The following MAGI1 variants were observed in gnomAD, a reference collection of about 807,000 sequenced individuals.
The protein encoded by MAGI1 is membrane associated guanylate kinase, WW and PDZ domain containing 1.
Under a neutral mutation model 139.9 loss-of-function variants are expected in MAGI1, and 58 were observed. That is an observed-to-expected ratio of 0.41 (90% CI 0.34 to 0.52). MAGI1 has a LOEUF of 0.52. Among genes scored for constraint, MAGI1 ranks in the 20% least tolerant of loss-of-function variants. The probability of loss-of-function intolerance (pLI) is 0.12; values close to 1 mark genes in which losing one functional copy is unlikely to be tolerated. For synonymous variants in MAGI1, 812 were observed against 737.9 expected (o/e 1.10, Z -1.63); for missense variants, 1,874 against 1,901.6 (o/e 0.99, Z 0.27).
intron 1 of MAGI1, among the ~76,000 whole-genome samples, chr3:65,675,658 TAC>T (rs2087143089): frequency 6.6e-6 from 1 of 152,324 alleles, no homozygotes; most frequent in South Asian, 2.1e-4. Context: ...GGTGGCTCAT[TAC>T]AGTGTCACAG....
At chr3:65,451,863 G>A (rs1949050825) in intron 6 of MAGI1, among the ~76,000 whole-genome samples, 1 of 152,094 alleles carries the variant, frequency 6.6e-6, no homozygotes, top group Non-Finnish European at 1.5e-5. Flanking sequence ...GCCCAGGCTG[G>A]TCTTGAACTC....
chr3:65,467,884 T>C (rs543680781), intron 5 of MAGI1, among the ~76,000 whole-genome samples: 1 of 152,348 alleles, frequency 6.6e-6, no homozygotes, highest in South Asian at 2.1e-4. Flanking sequence ...ATCCTGAGTT[T>C]ATGGTTGGTA....
intron 2 of MAGI1, among the ~76,000 whole-genome samples, chr3:65,576,471 C>A (rs1047465830): frequency 6.6e-6 from 1 of 152,198 alleles, no homozygotes; most frequent in African/African-American, 2.4e-5. Flanking sequence ...GGAGCTAATA[C>A]AAATGGTGAA....
chr3:65,440,856 CAT>C (rs1265869231), intron 8 of MAGI1, among the ~76,000 whole-genome samples: 3 of 137,558 alleles, frequency 2.2e-5, no homozygotes, highest in Non-Finnish European at 3.2e-5. Flanking sequence ...CATATGTATA[CAT>C]ATATATGTAT....
At chr3:65,973,586 C>T (rs1005163089) in intron 1 of MAGI1, among the ~76,000 whole-genome samples, 5 of 152,192 alleles carry the variant, frequency 3.3e-5, no homozygotes, top group African/African-American at 1.2e-4. Flanking sequence ...AACATATGCA[C>T]AACAGAGCAG....
At chr3:65,586,616 AAAAATACTAAATACAC>A (rs745867438) in intron 2 of MAGI1, among the ~76,000 whole-genome samples, 7 of 152,230 alleles carry the variant, frequency 4.6e-5, no homozygotes, top group African/African-American at 7.2e-5. Context: ...AAAGATACAC[AAAAATACTAAATACAC>A]AAAATACTAA....
intron 13 of MAGI1, among the ~76,000 whole-genome samples, chr3:65,400,166 T>C (rs1394001825): frequency 6.6e-6 from 1 of 152,124 alleles, no homozygotes; most frequent in Non-Finnish European, 1.5e-5. Context: ...ATCTTTGTGG[T>C]TCCAATGTGG....
At chr3:65,980,956 C>T (rs1182905396) in intron 1 of MAGI1, among the ~76,000 whole-genome samples, 2 of 151,930 alleles carry the variant, frequency 1.3e-5, no homozygotes, top group Non-Finnish European at 2.9e-5. Context: ...GTCAGGAGTT[C>T]GAGACCAGCC....
At chr3:65,868,417 T>A (rs2059803903) in intron 1 of MAGI1, among the ~76,000 whole-genome samples, 1 of 152,120 alleles carries the variant, frequency 6.6e-6, no homozygotes, top group Admixed American at 6.5e-5. Context: ...TGTTGACGGG[T>A]AGAGCGCAGA....
intron 2 of MAGI1, among the ~76,000 whole-genome samples, chr3:65,553,723 G>A (rs539896182): frequency 9.2e-5 from 14 of 152,200 alleles, no homozygotes; most frequent in South Asian, 4.1e-4. Context: ...CTTTCTATTT[G>A]TTTTTTAATG....
chr3:65,659,054 A>G (rs1559761709), intron 1 of MAGI1, among the ~76,000 whole-genome samples: 1 of 152,062 alleles, frequency 6.6e-6, no homozygotes, highest in Non-Finnish European at 1.5e-5. Context: ...TTTTATTCCT[A>G]TTTTATAGAA....
At chr3:65,372,600 T>C (rs1006572999) in intron 18 of MAGI1, among the ~76,000 whole-genome samples, 4 of 151,380 alleles carry the variant, frequency 2.6e-5, no homozygotes, top group African/African-American at 4.9e-5. Context: ...GTCTCCTCTC[T>C]AGCTAGGAAA....
At chr3:65,835,400 G>A (rs1448991593) in intron 1 of MAGI1, among the ~76,000 whole-genome samples, 1 of 152,118 alleles carries the variant, frequency 6.6e-6, no homozygotes, top group East Asian at 1.9e-4. Context: ...AGTGTTAAAG[G>A]GGCCACTTAA....
chr3:65,796,122 C>A (rs1034609688), intron 1 of MAGI1, among the ~76,000 whole-genome samples: 1 of 151,510 alleles, frequency 6.6e-6, no homozygotes, highest in South Asian at 2.1e-4. Context: ...GATGGCGAGT[C>A]CAAAATTGCA....
At chr3:65,722,852 A>G (rs2033191974) in intron 1 of MAGI1, among the ~76,000 whole-genome samples, 2 of 152,232 alleles carry the variant, frequency 1.3e-5, no homozygotes, top group South Asian at 4.1e-4. Context: ...GTGAGTTTCC[A>G]GCCACTTCTG....
At chr3:65,560,175 AGGGG>A (rs1402398111) in intron 2 of MAGI1, among the ~76,000 whole-genome samples, 1 of 152,246 alleles carries the variant, frequency 6.6e-6, no homozygotes, top group Non-Finnish European at 1.5e-5. Flanking sequence ...AGAAATATAT[AGGGG>A]ATTCCCTGGT....
intron 1 of MAGI1, among the ~76,000 whole-genome samples, chr3:65,848,746 T>C (rs1209498969): frequency 6.6e-6 from 1 of 152,080 alleles, no homozygotes. Flanking sequence ...AAGCTGAATG[T>C]TCTTGATCGT....
intron 1 of MAGI1, among the ~76,000 whole-genome samples, chr3:65,627,381 C>T (rs1262789416): frequency 1.3e-5 from 2 of 150,888 alleles, no homozygotes; most frequent in Admixed American, 1.3e-4. Context: ...GAACTTTTTC[C>T]AAGAAAGGGG....
intron 18 of MAGI1, among the ~76,000 whole-genome samples, chr3:65,370,569 C>T (rs1941887278): frequency 6.6e-6 from 1 of 152,156 alleles, no homozygotes; most frequent in African/African-American, 2.4e-5. Flanking sequence ...ATAATGCCAA[C>T]TGTTATTGGA....
Sources: gnomAD v4.1 joint callset for allele counts (sites outside exome capture counted in the v4.1 genomes callset) on GRCh38, gnomAD v4.1.1 for gene constraint, MANE v1.5 for transcripts, NCBI Gene and HGNC (gene_info 2026-07-23, HGNC 2026-07-21) for gene names.